The following GPC6 variants were observed in gnomAD, a reference collection of about 807,000 sequenced individuals.
The protein encoded by GPC6 is glypican-6.
In GPC6, 14 loss-of-function variants were observed where a neutral mutation model predicts 55.2. The ratio of observed to expected loss-of-function variants is 0.25; its 90% CI spans 0.17 to 0.40. The LOEUF (loss-of-function observed/expected upper bound fraction) is 0.40. Ranked by LOEUF, GPC6 falls within the 10% of genes least tolerant of loss-of-function variation. The pLI is 1.00. For missense variants in GPC6, 641 were observed against 708.5 expected (o/e 0.90, Z 1.08); for synonymous variants, 278 against 259.6 (o/e 1.07, Z -0.68).
intron 2 of GPC6, among the ~76,000 whole-genome samples, chr13:93,792,547 G>A (rs1237080148): frequency 6.6e-6 from 1 of 152,158 alleles, no homozygotes; most frequent in Non-Finnish European, 1.5e-5. Flanking sequence ...CTGGCCTCAA[G>A]TGATCCACAC....
intron 4 of GPC6, among the ~76,000 whole-genome samples, chr13:94,158,799 A>G: frequency 6.6e-6 from 1 of 152,162 alleles, no homozygotes; most frequent in East Asian, 1.9e-4. Flanking sequence ...CAGCGCATCC[A>G]TTTGCTACTA....
At chr13:93,811,974 G>T (rs922706669) in intron 2 of GPC6, among the ~76,000 whole-genome samples, 1 of 152,000 alleles carries the variant, frequency 6.6e-6, no homozygotes, top group Non-Finnish European at 1.5e-5. Context: ...TGGCACCAAC[G>T]TATATCAACA....
At chr13:93,246,604 T>A (rs991230900) in intron 1 of GPC6, among the ~76,000 whole-genome samples, 9 of 152,092 alleles carry the variant, frequency 5.9e-5, no homozygotes, top group African/African-American at 2.2e-4. Context: ...GAGACCATCC[T>A]GGCTTACACG....
At chr13:93,535,088 G>A (rs1383183983) in intron 1 of GPC6, among the ~76,000 whole-genome samples, 1 of 152,042 alleles carries the variant, frequency 6.6e-6, no homozygotes, top group African/African-American at 2.4e-5. Context: ...TGCATTTTTG[G>A]TCTCTTATCC....
At chr13:93,642,284 GGCCTCCAACTCCA>G (rs1232619118) in intron 2 of GPC6, among the ~76,000 whole-genome samples, 22 of 152,146 alleles carry the variant, frequency 1.4e-4, no homozygotes, top group African/African-American at 5.1e-4. Flanking sequence ...TTAAGATAAT[GGCCTCCAACTCCA>G]GCCACGTTGC....
chr13:93,285,638 G>GTGTGTA lies in GPC6; in HGVS notation c.160+58027_160+58028insATGTGT, dbSNP rs1555287705. Among the ~76,000 whole-genome samples, 102 of 150,672 alleles carry GTGTGTA rather than the reference G, an allele frequency of 6.8e-4. 2 individuals carry two copies. Among genetic ancestry groups the GTGTGTA allele is most frequent in the Admixed American group, 3.3e-4 (5 of 15,080 alleles). On this transcript the variant is annotated intron_variant, in intron 1 of 8. Coordinates refer to ENST00000377047, the MANE Select transcript of GPC6 (RefSeq NM_005708.5). ...CTGCTGTGTGTGTGTGTGTGTGTGT[G>GTGTGTA]TGTGTGTGTGTGTGTGTGTGTGTGT...
chr13:93,444,506 C>T (rs983553555), intron 1 of GPC6, among the ~76,000 whole-genome samples: 1 of 152,116 alleles, frequency 6.6e-6, no homozygotes, highest in African/African-American at 2.4e-5. Context: ...ACGCGGGAGA[C>T]TGCGGCAGAA....
chr13:94,301,283 G>A (rs956984105), intron 5 of GPC6, among the ~76,000 whole-genome samples: 61 of 152,176 alleles, frequency 4.0e-4, no homozygotes, highest in African/African-American at 1.4e-3. Flanking sequence ...TGTGGTCCCA[G>A]CTACTCGGGA....
chr13:93,771,985 G>C (rs1885315975), intron 2 of GPC6, among the ~76,000 whole-genome samples: 1 of 152,130 alleles, frequency 6.6e-6, no homozygotes, highest in African/African-American at 2.4e-5. Context: ...CCACAGTTCT[G>C]CTTGGTTCAG....
At chr13:94,353,532 A>T (rs1367836860) in intron 6 of GPC6, among the ~76,000 whole-genome samples, 7 of 152,020 alleles carry the variant, frequency 4.6e-5, no homozygotes. Context: ...CCACTAATTA[A>T]CACTTTCCTG....
intron 5 of GPC6, among the ~76,000 whole-genome samples, chr13:94,305,467 C>T (rs1042210713): frequency 4.6e-5 from 7 of 152,050 alleles, no homozygotes; most frequent in South Asian, 2.1e-4. Flanking sequence ...TACTTCAGCC[C>T]GATGCTTGGG....
chr13:93,929,854 G>A (rs529319904), intron 3 of GPC6, among the ~76,000 whole-genome samples: 9 of 151,068 alleles, frequency 6.0e-5, no homozygotes, highest in African/African-American at 1.7e-4. Flanking sequence ...GAGAGAAAAA[G>A]GAAGAAAAGA....
chr13:93,219,372 G>A, the GPC6 span, among the ~76,000 whole-genome samples: 5 of 152,230 alleles, frequency 3.3e-5, no homozygotes, highest in East Asian at 3.9e-4. Context: ...GATTACAGGC[G>A]TGAGCCACCA....
At chr13:94,102,945 G>A (rs930708276) in intron 4 of GPC6, among the ~76,000 whole-genome samples, 5 of 152,076 alleles carry the variant, frequency 3.3e-5, no homozygotes, top group Admixed American at 2.6e-4. Flanking sequence ...GTGCAGGTTT[G>A]TTACATATGT....
intron 3 of GPC6, among the ~76,000 whole-genome samples, chr13:93,883,812 T>C (rs1188947321): frequency 1.3e-5 from 2 of 152,280 alleles, no homozygotes; most frequent in East Asian, 3.9e-4. Context: ...CTTGGCTCTC[T>C]ATGAATAACT....
intron 3 of GPC6, among the ~76,000 whole-genome samples, chr13:94,011,685 G>C (rs1406760313): frequency 2.0e-5 from 3 of 152,112 alleles, no homozygotes; most frequent in Non-Finnish European, 4.4e-5. Context: ...TTCTTTTCCT[G>C]TTCTCCTGGC....
chr13:94,241,825 G>A (rs1891061559), intron 4 of GPC6, among the ~76,000 whole-genome samples: 1 of 152,026 alleles, frequency 6.6e-6, no homozygotes, highest in African/African-American at 2.4e-5. Context: ...TTGAAATGTT[G>A]ATCACAAATT....
At chr13:93,314,043 T>G (rs890379486) in intron 1 of GPC6, among the ~76,000 whole-genome samples, 20 of 152,156 alleles carry the variant, frequency 1.3e-4, no homozygotes, top group Admixed American at 6.5e-5. Context: ...AAGTTTGAAG[T>G]TAGATGCAGT....
chr13:93,521,729 G>A (rs1881430188), intron 1 of GPC6, among the ~76,000 whole-genome samples: 1 of 151,908 alleles, frequency 6.6e-6, no homozygotes, highest in African/African-American at 2.4e-5. Flanking sequence ...CATTTCTTGT[G>A]CTAACATTAA....
Sources: allele counts gnomAD v4.1 joint callset (sites outside exome capture counted in the v4.1 genomes callset), GRCh38; gene constraint gnomAD v4.1.1; transcripts MANE v1.5; gene names NCBI Gene and HGNC (gene_info 2026-07-23, HGNC 2026-07-21).